Variants in KCNQ3 observed in about 807,000 individuals in gnomAD.
The protein encoded by KCNQ3 is potassium voltage-gated channel subfamily KQT member 3.
KCNQ3 carries 30 observed loss-of-function variants against 92.5 expected under a neutral mutation model. That is an observed-to-expected ratio of 0.32 (90% CI 0.24 to 0.44). The LOEUF is 0.44. Among genes scored for constraint, KCNQ3 ranks in the 20% least tolerant of loss-of-function variants. KCNQ3 has a pLI of 1.00. For missense variants in KCNQ3, 913 were observed against 1,140.3 expected (o/e 0.80, Z 2.87); for synonymous variants, 450 against 468.8 (o/e 0.96, Z 0.52).
intron 1 of KCNQ3, among the ~76,000 whole-genome samples, chr8:132,186,821 G>A (rs1563794743): frequency 6.6e-6 from 1 of 152,150 alleles, no homozygotes; most frequent in East Asian, 1.9e-4. Context: ...AATTCACAGA[G>A]AGGTCACCTG....
At chr8:132,142,547 T>G (rs573236962) in intron 9 of KCNQ3, among the ~76,000 whole-genome samples, 7 of 152,244 alleles carry the variant, frequency 4.6e-5, no homozygotes, top group Admixed American at 4.6e-4. Context: ...GATAAAGTCC[T>G]TTTTTGTGGT....
chr8:132,409,563 T>G (rs1274067391), intron 1 of KCNQ3, among the ~76,000 whole-genome samples: 1 of 152,226 alleles, frequency 6.6e-6, no homozygotes, highest in Admixed American at 6.5e-5. Flanking sequence ...TGTCTGTGCA[T>G]CTCACTGGAC....
rs1814416840 is a variant in KCNQ3, at chr8:132,226,285, A to AG, written c.387-40105_387-40104insC. ...GATTCTGTCTCAAAAAAAAAAAAAA[A>AG]TCATGGAGGATTTTAAGATCATCTC... On this transcript the variant is annotated intron_variant, in intron 1 of 14. Coordinates refer to ENST00000388996, the MANE Select transcript of KCNQ3 (RefSeq NM_004519.4). Among the ~76,000 whole-genome samples the AG allele has an allele frequency of 2.6e-5, 4 of 151,648 alleles. No individual in the cohort carries two copies. In the South Asian group the frequency reaches 8.3e-4, roughly 32 times the overall value.
chr8:132,212,971 G>A (rs998558712), intron 1 of KCNQ3, among the ~76,000 whole-genome samples: 2 of 152,216 alleles, frequency 1.3e-5, no homozygotes, highest in Non-Finnish European at 1.5e-5. Flanking sequence ...AGGAGCCTAC[G>A]TGTGCAGCCT....
intron 1 of KCNQ3, among the ~76,000 whole-genome samples, chr8:132,224,330 T>A (rs1460510800): frequency 6.6e-6 from 1 of 152,138 alleles, no homozygotes; most frequent in African/African-American, 2.4e-5. Context: ...ATTAAAAATC[T>A]AAACAGGATT....
intron 1 of KCNQ3, among the ~76,000 whole-genome samples, chr8:132,394,317 A>T (rs1820134167): frequency 6.6e-6 from 1 of 152,180 alleles, no homozygotes; most frequent in African/African-American, 2.4e-5. Flanking sequence ...GGCATGGTTA[A>T]GCCATGTGTT....
At chr8:132,361,224 A>G (rs144059560) in intron 1 of KCNQ3, among the ~76,000 whole-genome samples, 21 of 152,284 alleles carry the variant, frequency 1.4e-4, no homozygotes, top group African/African-American at 5.1e-4. Context: ...GAAGCCAAGT[A>G]GTTTGTTTAT....
intron 1 of KCNQ3, among the ~76,000 whole-genome samples, chr8:132,471,458 C>T (rs1412333960): frequency 1.3e-5 from 2 of 152,078 alleles, no homozygotes; most frequent in African/African-American, 4.8e-5. Context: ...TGCAAGAAGG[C>T]AGCAGATTAG....
chr8:132,443,264 A>T lies in KCNQ3; in HGVS notation c.386+36883T>A, dbSNP rs867179200. On this transcript the variant is annotated intron_variant, in intron 1 of 14. Coordinates refer to ENST00000388996, the MANE Select transcript of KCNQ3 (RefSeq NM_004519.4). ...ACCCCTCCCCATCCCTTCCACCCCC[A>T]GCACTACCAATTAGAGCCGGTGGCC... 3.3e-5 allele frequency among the ~76,000 whole-genome samples: 5 copies of T among 151,204 alleles called. No individual in the cohort carries two copies. In the South Asian group the frequency reaches 1.1e-3, roughly 32 times the overall value.
At chr8:132,357,070 C>T (rs539522529) in intron 1 of KCNQ3, among the ~76,000 whole-genome samples, 2 of 152,304 alleles carry the variant, frequency 1.3e-5, no homozygotes, top group African/African-American at 4.8e-5. Context: ...GAAGTTGAGT[C>T]ACTTGCCCAG....
intron 1 of KCNQ3, among the ~76,000 whole-genome samples, chr8:132,220,128 T>C (rs1814175869): frequency 6.6e-6 from 1 of 152,204 alleles, no homozygotes. Context: ...GAGAGCAAAG[T>C]ACTCATGTCT....
intron 1 of KCNQ3, among the ~76,000 whole-genome samples, chr8:132,401,007 C>G (rs1245936586): frequency 1.3e-5 from 2 of 152,204 alleles, no homozygotes; most frequent in African/African-American, 2.4e-5. Context: ...TCAGGATAAG[C>G]AAGCTGGGAA....
chr8:132,272,363 C>T (rs1348782459), intron 1 of KCNQ3, among the ~76,000 whole-genome samples: 1 of 152,168 alleles, frequency 6.6e-6, no homozygotes, highest in Non-Finnish European at 1.5e-5. Context: ...TTCATGGGCC[C>T]ACATGGCCAA....
chr8:132,203,419 C>T (rs1033036438), intron 1 of KCNQ3, among the ~76,000 whole-genome samples: 3 of 152,172 alleles, frequency 2.0e-5, no homozygotes, highest in Admixed American at 6.5e-5. Flanking sequence ...TCTCAGCAAA[C>T]GACTTCTGGT....
intron 1 of KCNQ3, among the ~76,000 whole-genome samples, chr8:132,358,115 A>G (rs992302946): frequency 2.6e-5 from 4 of 152,234 alleles, no homozygotes; most frequent in Non-Finnish European, 5.9e-5. Context: ...TAAAGTTGTA[A>G]TCTAACTTCA....
intron 9 of KCNQ3, among the ~76,000 whole-genome samples, chr8:132,159,269 G>A (rs559137411): frequency 2.0e-5 from 3 of 152,220 alleles, no homozygotes; most frequent in South Asian, 4.1e-4. Flanking sequence ...AACAATTATC[G>A]TGTTTTGTCT....
chr8:132,256,832 C>G (rs937609611), intron 1 of KCNQ3, among the ~76,000 whole-genome samples: 3 of 152,136 alleles, frequency 2.0e-5, no homozygotes, highest in African/African-American at 7.2e-5. Flanking sequence ...AAAAAATTTG[C>G]TGCTTGCAGA....
intron 1 of KCNQ3, among the ~76,000 whole-genome samples, chr8:132,422,337 C>T (rs925925467): frequency 6.6e-6 from 1 of 152,200 alleles, no homozygotes; most frequent in Non-Finnish European, 1.5e-5. Context: ...GCCACCACCA[C>T]CACTCACTGC....
intron 1 of KCNQ3, among the ~76,000 whole-genome samples, chr8:132,352,335 T>C (rs1180256411): frequency 6.6e-6 from 1 of 151,914 alleles, no homozygotes; most frequent in Non-Finnish European, 1.5e-5. Context: ...TTGTCACAGG[T>C]GGGTGGGGTG....
Sources: gnomAD v4.1 joint callset for allele counts (sites outside exome capture counted in the v4.1 genomes callset) on GRCh38, gnomAD v4.1.1 for gene constraint, MANE v1.5 for transcripts, NCBI Gene and HGNC (gene_info 2026-07-23, HGNC 2026-07-21) for gene names.